The following DYSF variants were observed in gnomAD, a reference collection of about 807,000 sequenced individuals.
DYSF encodes the protein dysferlin.
In DYSF, 212 loss-of-function variants were observed where a neutral mutation model predicts 274.9. That is an observed-to-expected ratio of 0.77 (90% CI 0.69 to 0.86). The LOEUF (loss-of-function observed/expected upper bound fraction) is 0.86. DYSF is among the 40% of genes least tolerant of loss of function. The pLI is 0.00. For missense variants in DYSF, 2,666 were observed against 2,783.2 expected (o/e 0.96, Z 0.95); for synonymous variants, 1,091 against 1,078.7 (o/e 1.01, Z -0.22).
At chr2:71,517,095 G>A in intron 10 of DYSF, 56 bp downstream of exon 10, 1 of 1,540,406 alleles carries the variant, frequency 6.5e-7, no homozygotes, top group Non-Finnish European at 9.0e-7. Context: ...TGTTGGTGGA[G>A]CCTCTGTGGA....
upstream of DYSF, among the ~76,000 whole-genome samples, chr2:71,464,484 T>C (rs1573263001): frequency 1.3e-5 from 2 of 152,294 alleles, no homozygotes; most frequent in East Asian, 3.9e-4. Context: ...CTGGAGTTGA[T>C]ATCTGAAGGA....
chr2:71,614,999 G>A lies in DYSF; in HGVS notation c.4464+1589G>A, dbSNP rs140988217. On this transcript the variant is annotated intron_variant, in intron 40 of 55. Transcript: ENST00000410020. ...TGCCTGCTCCTGGCTCCTGTTTCCC[G>A]GCTGCTCCATGGGCCTGTCTGAGAT... Among the ~76,000 whole-genome samples the A allele has an allele frequency of 4.8e-3, 738 of 152,234 alleles. 1 individual carries two copies. Among genetic ancestry groups the A allele is most frequent in the Non-Finnish European group, 5.8e-3 (397 of 68,002 alleles).
intron 3 of DYSF, among the ~76,000 whole-genome samples, chr2:71,501,018 A>G (rs2084918631): frequency 6.6e-6 from 1 of 152,068 alleles, no homozygotes; most frequent in Non-Finnish European, 1.5e-5. Flanking sequence ...GGTCCTGAGG[A>G]CAATTCAGTC....
chr2:71,653,173 A>G (rs2094697266), intron 42 of DYSF, among the ~76,000 whole-genome samples: 1 of 152,216 alleles, frequency 6.6e-6, no homozygotes, highest in Non-Finnish European at 1.5e-5. Flanking sequence ...GGTGCTGGAG[A>G]GAATGTGGAG....
intron 3 of DYSF, among the ~76,000 whole-genome samples, chr2:71,501,533 A>G (rs2084972227): frequency 6.6e-6 from 1 of 152,216 alleles, no homozygotes; most frequent in African/African-American, 2.4e-5. Context: ...AAATGTTCTC[A>G]TCTTCTAAAA....
At chr2:71,669,235 C>CCAGCTT in intron 50 of DYSF, 28 bp downstream of exon 50, 1 of 1,559,054 alleles carries the variant, frequency 6.4e-7, no homozygotes, top group Non-Finnish European at 8.8e-7. Flanking sequence ...TCTTGCCTGT[C>CCAGCTT]CAGCTTCCCG....
rs146970014 is a variant in DYSF at position 71,600,759 on chromosome 2, C to T, written c.3814C>T (p.Arg1272Trp). Reference protein sequence around the residue: ...ICQPSLERMPRLAWFPLTRGS... With the variant: ...ICQPSLERMPWLAWFPLTRGS... ...TCAACCGAGTCTGGAACGGATGCCACGGCTGGCCTGGTTCCCACTGACGAG... is the reference window on the plus strand; with the variant it reads ...TCAACCGAGTCTGGAACGGATGCCATGGCTGGCCTGGTTCCCACTGACGAG... Residue 1272 changes from arginine (R) to tryptophan (W), a missense_variant, in exon 34 of 56, where the codon CGG becomes TGG. Coordinates refer to ENST00000410020, the MANE Select transcript of DYSF (RefSeq NM_001130987.2). 256 of 1,613,826 alleles carry T rather than the reference C, an allele frequency of 1.6e-4. No individual in the cohort carries two copies. The African/African-American group carries it at 2.0e-3, about 13-fold the overall frequency.
At chr2:71,521,662 G>T (rs1436732409) in intron 12 of DYSF, among the ~76,000 whole-genome samples, 1 of 152,102 alleles carries the variant, frequency 6.6e-6, no homozygotes, top group African/African-American at 2.4e-5. Flanking sequence ...GGCCCCTGGG[G>T]TCTCCTGCCA....
At chr2:71,475,101 C>T (rs957525382) in intron 1 of DYSF, among the ~76,000 whole-genome samples, 4 of 152,176 alleles carry the variant, frequency 2.6e-5, no homozygotes, top group African/African-American at 4.8e-5. Flanking sequence ...GACTCCAAAG[C>T]GGTGTGTCTG....
chr2:71,668,723 G>A lies in DYSF; in HGVS notation c.5458-31G>A, dbSNP rs759591295. ...TGGTAACAGCTGGTTAAATGAGAAG[G>A]GTGGGGAGAGAACGGACCCTGTCTC... On this transcript the variant is annotated intron_variant, in intron 48 of 55. Coordinates refer to ENST00000410020, the MANE Select transcript of DYSF (RefSeq NM_001130987.2). The A allele has an allele frequency of 2.9e-5, 47 of 1,605,050 alleles. No homozygotes were observed. In the African/African-American group the frequency reaches 2.9e-4, roughly 10 times the overall value.
At chr2:71,519,092 CAA>C (rs70959240) in intron 10 of DYSF, among the ~76,000 whole-genome samples, 783 of 59,604 alleles carry the variant, frequency 0.013, no homozygotes, top group African/African-American at 0.02. Context: ...CACTCCATCT[CAA>C]AAAAAAAAAA....
intron 22 of DYSF, among the ~76,000 whole-genome samples, chr2:71,560,028 G>T (rs970704515): frequency 2.6e-5 from 4 of 152,240 alleles, no homozygotes; most frequent in Non-Finnish European, 5.9e-5. Context: ...TGAGCCCTGC[G>T]CTGGGCCTAC....
At chr2:71,544,950 G>A (rs2090348088) in intron 17 of DYSF, among the ~76,000 whole-genome samples, 1 of 152,196 alleles carries the variant, frequency 6.6e-6, no homozygotes, top group African/African-American at 2.4e-5. Flanking sequence ...GGAACTTAGA[G>A]TCCTGGCAGG....
At chr2:71,549,656 G>A (rs536108281) in intron 17 of DYSF, among the ~76,000 whole-genome samples, 113 of 150,854 alleles carry the variant, frequency 7.5e-4, no homozygotes, top group African/African-American at 2.5e-3. Context: ...TGATGCTCGA[G>A]TTAGACCACT....
chr2:71,645,255 T>C (rs938927140), intron 42 of DYSF, among the ~76,000 whole-genome samples: 1 of 151,954 alleles, frequency 6.6e-6, no homozygotes, highest in Non-Finnish European at 1.5e-5. Flanking sequence ...GAGTGCAAGG[T>C]TTTACTGGGT....
At position 71,574,367 on chromosome 2, in the gene DYSF, C is replaced by A. The variant is rs1158824940; in HGVS notation, c.3398C>A (p.Ala1133Asp). ...GPAAVFALEG[A>D]LGGVMDDKSE... Reference sequence around the variant, plus strand: ...GCAGCTGTGTTTGCCCTTGAGGGGGCCCTGGTATGTGGGGCTGCACTTGTC... The same window carrying A: ...GCAGCTGTGTTTGCCCTTGAGGGGGACCTGGTATGTGGGGCTGCACTTGTC... The change falls in exon 30 of 56, where the codon GCC (alanine) becomes GAC (aspartate). Residue 1133 changes from alanine (A) to aspartate (D), a missense_variant. Transcript: ENST00000410020. The A allele has an allele frequency of 6.2e-7, 1 of 1,613,438 alleles. No homozygotes were observed. Among genetic ancestry groups the A allele is most frequent in the South Asian group, 1.1e-5 (1 of 91,046 alleles).
chr2:71,516,524 C>T (rs1480043815), intron 9 of DYSF, among the ~76,000 whole-genome samples: 1 of 152,262 alleles, frequency 6.6e-6, no homozygotes, highest in African/African-American at 2.4e-5. Flanking sequence ...GGAGAGCCCA[C>T]TGCTCAGCAT....
At chr2:71,509,042 TG>T (rs996940446) in intron 4 of DYSF, among the ~76,000 whole-genome samples, 1 of 151,534 alleles carries the variant, frequency 6.6e-6, no homozygotes, top group Non-Finnish European at 1.5e-5. Context: ...TTTATAGAGA[TG>T]GGGGGTTTTA....
intron 3 of DYSF, among the ~76,000 whole-genome samples, chr2:71,490,782 C>A (rs542101110): frequency 3.0e-4 from 45 of 152,322 alleles, no homozygotes; most frequent in African/African-American, 1.1e-3. Context: ...CCAGGTCAGT[C>A]CATCACATTT....
Sources: allele counts gnomAD v4.1 joint callset (sites outside exome capture counted in the v4.1 genomes callset), GRCh38; gene constraint gnomAD v4.1.1; transcripts MANE v1.5; gene names NCBI Gene and HGNC (gene_info 2026-07-23, HGNC 2026-07-21).